Variants in PDE1C observed in about 807,000 individuals in gnomAD.
PDE1C encodes the protein phosphodiesterase 1C.
In PDE1C, 62 loss-of-function variants were observed where a neutral mutation model predicts 93.1. The observed-to-expected ratio is 0.67, with a 90% CI of 0.54 to 0.82. The LOEUF (loss-of-function observed/expected upper bound fraction) is 0.82, where lower values mean the gene tolerates loss of function less well. Among genes scored for constraint, PDE1C ranks in the 40% least tolerant of loss-of-function variants. The pLI is 0.00. For synonymous variants in PDE1C, 325 were observed against 310.1 expected (o/e 1.05, Z -0.50); for missense variants, 742 against 884.6 (o/e 0.84, Z 2.04).
intron 2 of PDE1C, among the ~76,000 whole-genome samples, chr7:31,925,954 G>A (rs575813449): frequency 3.1e-4 from 47 of 152,142 alleles, no homozygotes; most frequent in Admixed American, 1.7e-3. Context: ...TCCATGTCCC[G>A]TTTTTAATCC....
At chr7:32,203,430 C>T (rs1221672060) in intron 2 of PDE1C, among the ~76,000 whole-genome samples, 1 of 152,056 alleles carries the variant, frequency 6.6e-6, no homozygotes, top group African/African-American at 2.4e-5. Flanking sequence ...CCAACCCCAG[C>T]GATCACCCCA....
chr7:31,794,707 A>C (rs79853778), intron 16 of PDE1C, among the ~76,000 whole-genome samples: 2,345 of 152,110 alleles, frequency 0.015, 46 homozygotes, highest in East Asian at 0.12. Flanking sequence ...TGATAAGTCA[A>C]CATCCCTGAT....
intron 2 of PDE1C, among the ~76,000 whole-genome samples, chr7:31,971,861 G>A (rs1164263193): frequency 6.6e-6 from 1 of 152,186 alleles, no homozygotes; most frequent in Non-Finnish European, 1.5e-5. Flanking sequence ...TTTACCCACT[G>A]GTTTCCTGTA....
chr7:32,205,955 C>G (rs1014188320), intron 2 of PDE1C, among the ~76,000 whole-genome samples: 8 of 152,304 alleles, frequency 5.3e-5, no homozygotes, highest in African/African-American at 1.4e-4. Context: ...TAACACTCAC[C>G]AGGTGGGTCC....
At chr7:31,936,669 G>A (rs569262508) in intron 2 of PDE1C, among the ~76,000 whole-genome samples, 6 of 152,162 alleles carry the variant, frequency 3.9e-5, no homozygotes, top group East Asian at 3.9e-4. Context: ...CTGGTTTAAT[G>A]ACTCATCACA....
At chr7:32,308,127 A>T (rs541410971) in intron 1 of PDE1C, among the ~76,000 whole-genome samples, 1 of 152,324 alleles carries the variant, frequency 6.6e-6, no homozygotes, top group East Asian at 1.9e-4. Flanking sequence ...AGTCTCGCTG[A>T]TTGCTAGCAC....
intron 1 of PDE1C, among the ~76,000 whole-genome samples, chr7:32,293,066 A>G (rs1407104181): frequency 6.6e-6 from 1 of 152,132 alleles, no homozygotes; most frequent in Non-Finnish European, 1.5e-5. Flanking sequence ...ACCCACTCCC[A>G]GCCAGCACCA....
chr7:32,085,467 A>G (rs1206419500), intron 3 of PDE1C, among the ~76,000 whole-genome samples: 2 of 149,374 alleles, frequency 1.3e-5, no homozygotes, highest in African/African-American at 2.5e-5. Context: ...TATTCCAATC[A>G]ATAGAAAAAG....
intron 2 of PDE1C, among the ~76,000 whole-genome samples, chr7:31,891,799 C>G (rs1798668253): frequency 8.7e-6 from 1 of 114,574 alleles, no homozygotes; most frequent in South Asian, 3.6e-4. Flanking sequence ...GAACCAAATG[C>G]ATTCATACAC....
At chr7:32,401,767 A>G (rs560579067) in intron 1 of PDE1C, among the ~76,000 whole-genome samples, 11 of 152,290 alleles carry the variant, frequency 7.2e-5, no homozygotes, top group Admixed American at 2.0e-4. Flanking sequence ...CAGGCTCCTG[A>G]GCTGAGCAAA....
At position 31,753,158 on chromosome 7, in the gene PDE1C, T is replaced by C. The variant is rs78856770; in HGVS notation, c.*226A>G. ...TAAAAACACCCCTCTTGCTAGTTTG[T>C]TGCTGGCGTCTGGGCTGATCCCACA... On this transcript the variant is annotated 3_prime_UTR_variant, in exon 18 of 18. Transcript: ENST00000396191. 5.3e-3 allele frequency: 1,890 copies of C among 356,832 alleles called. 44 individuals carry two copies. Among genetic ancestry groups the C allele is most frequent in the African/African-American group, 0.036 (1,740 of 47,932 alleles). The allele number at this position is 356,832 out of a possible 1,614,324, so 22.1% of individuals were successfully genotyped here. A position where few individuals can be genotyped will look rare whatever the true frequency, so the allele number is the denominator to read the frequency against.
intron 2 of PDE1C, among the ~76,000 whole-genome samples, chr7:31,978,644 C>T (rs1389307624): frequency 1.3e-5 from 2 of 152,156 alleles, no homozygotes; most frequent in Non-Finnish European, 2.9e-5. Context: ...TCACAGCAAC[C>T]TGTAGATGCA....
intron 3 of PDE1C, among the ~76,000 whole-genome samples, chr7:32,111,939 T>G (rs998210325): frequency 6.6e-6 from 1 of 152,192 alleles, no homozygotes; most frequent in Non-Finnish European, 1.5e-5. Flanking sequence ...CAGTCTCATT[T>G]TGGTATCTTC....
intron 3 of PDE1C, among the ~76,000 whole-genome samples, chr7:32,096,860 T>TAGATAGATAGATAGATAGATAGATAGAC (rs1300516444): frequency 6.6e-6 from 1 of 150,408 alleles, no homozygotes. Context: ...GATAGATAGA[T>TAGATAGATAGATAGATAGATAGATAGAC]AGACAGACAG....
chr7:32,199,936 A>G (rs2128829054), intron 2 of PDE1C, among the ~76,000 whole-genome samples: 1 of 152,328 alleles, frequency 6.6e-6, no homozygotes. Flanking sequence ...GAAATTATTT[A>G]AAATACTGTG....
chr7:31,967,168 G>A (rs541475702), intron 2 of PDE1C, among the ~76,000 whole-genome samples: 1 of 152,300 alleles, frequency 6.6e-6, no homozygotes, highest in East Asian at 1.9e-4. Flanking sequence ...AATGAATCCA[G>A]GAGCTGCTTT....
downstream of PDE1C, among the ~76,000 whole-genome samples, chr7:31,750,709 C>T (rs1039520616): frequency 2.0e-5 from 3 of 152,166 alleles, no homozygotes; most frequent in African/African-American, 7.2e-5. Context: ...TCCAAAGTTC[C>T]AATTGTTTTT....
intron 2 of PDE1C, among the ~76,000 whole-genome samples, chr7:32,050,570 G>A (rs1238223097): frequency 6.6e-6 from 1 of 150,688 alleles, no homozygotes; most frequent in Non-Finnish European, 1.5e-5. Flanking sequence ...TTCACTATGT[G>A]TATGTATATA....
At chr7:32,322,711 G>C (rs1783322729) in intron 1 of PDE1C, among the ~76,000 whole-genome samples, 1 of 151,920 alleles carries the variant, frequency 6.6e-6, no homozygotes, top group African/African-American at 2.4e-5. Context: ...CCGCCTCCTG[G>C]GTTTAAGCAA....
Sources: allele counts gnomAD v4.1 joint callset (sites outside exome capture counted in the v4.1 genomes callset), GRCh38; gene constraint gnomAD v4.1.1; transcripts MANE v1.5; gene names NCBI Gene and HGNC (gene_info 2026-07-23, HGNC 2026-07-21).